Variants in KLHDC10 observed in about 807,000 individuals in gnomAD.
KLHDC10 encodes kelch domain-containing protein 10.
A neutral mutation model predicts 56.1 loss-of-function variants in KLHDC10; 24 were observed. The ratio of observed to expected loss-of-function variants is 0.43; its 90% CI spans 0.31 to 0.60. KLHDC10 has a LOEUF of 0.60. Ranked by LOEUF, KLHDC10 falls within the 20% of genes least tolerant of loss-of-function variation. The pLI, the probability that KLHDC10 is intolerant of heterozygous loss-of-function variation, is 0.11. For missense variants in KLHDC10, 349 were observed against 567.0 expected, an observed-to-expected ratio of 0.62 and a Z score of 3.91; for synonymous variants, 188 against 207.1, an observed-to-expected ratio of 0.91 and a Z score of 0.79.
intron 2 of KLHDC10, among the ~76,000 whole-genome samples, chr7:130,108,826 C>G (rs1796058519): frequency 6.6e-6 from 1 of 152,088 alleles, no homozygotes; most frequent in South Asian, 2.1e-4. Context: ...CCTGCTCCCT[C>G]TCCTCTCTCC....
At chr7:130,119,843 T>TA (rs72549928) in intron 3 of KLHDC10, among the ~76,000 whole-genome samples, 23,267 of 76,500 alleles carry the variant, frequency 0.3, 3,346 homozygotes, top group African/African-American at 0.4. Flanking sequence ...GACTCCGTCT[T>TA]AAAAAAAAAA....
chr7:130,079,893 C>G (rs1795577775), intron 1 of KLHDC10, among the ~76,000 whole-genome samples: 1 of 135,204 alleles, frequency 7.4e-6, no homozygotes, highest in Non-Finnish European at 1.6e-5. Flanking sequence ...TCCCTTCCTC[C>G]CTTTCTTCCT....
intron 1 of KLHDC10, among the ~76,000 whole-genome samples, chr7:130,078,179 C>T (rs1325480142): frequency 6.6e-6 from 1 of 151,102 alleles, no homozygotes; most frequent in Non-Finnish European, 1.5e-5. Context: ...ACCAGCTTGG[C>T]CAATATGGTG....
chr7:130,091,552 C>T (rs1795773114), intron 1 of KLHDC10, among the ~76,000 whole-genome samples: 1 of 152,186 alleles, frequency 6.6e-6, no homozygotes, highest in Non-Finnish European at 1.5e-5. Flanking sequence ...ATCTTTTACA[C>T]AATACCTCAA....
At chr7:130,115,095 G>A (rs1240371669) in intron 2 of KLHDC10, among the ~76,000 whole-genome samples, 1 of 152,090 alleles carries the variant, frequency 6.6e-6, no homozygotes, top group Non-Finnish European at 1.5e-5. Flanking sequence ...CTTAGAAAGT[G>A]GGATTTTGAT....
chr7:130,091,453 G>T (rs1326387144), intron 1 of KLHDC10, among the ~76,000 whole-genome samples: 2 of 152,158 alleles, frequency 1.3e-5, no homozygotes, highest in African/African-American at 4.8e-5. Context: ...TCTAGAATGA[G>T]ACCTTTGGTT....
intron 1 of KLHDC10, among the ~76,000 whole-genome samples, chr7:130,091,336 C>A (rs1422283184): frequency 6.6e-6 from 1 of 152,188 alleles, no homozygotes; most frequent in Non-Finnish European, 1.5e-5. Context: ...CCTCTGCATC[C>A]TTGCCACCAT....
intron 1 of KLHDC10, among the ~76,000 whole-genome samples, chr7:130,075,302 AG>A (rs1795482601): frequency 6.6e-6 from 1 of 152,254 alleles, no homozygotes; most frequent in African/African-American, 2.4e-5. Flanking sequence ...AAACTGACAA[AG>A]AAAAAGAAGG....
At chr7:130,097,323 G>A (rs1409360685) in intron 2 of KLHDC10, among the ~76,000 whole-genome samples, 1 of 152,014 alleles carries the variant, frequency 6.6e-6, no homozygotes, top group Non-Finnish European at 1.5e-5. Flanking sequence ...ATAAAATATG[G>A]ATGTGGGAAA....
intron 2 of KLHDC10, among the ~76,000 whole-genome samples, chr7:130,109,558 T>C (rs1796072037): frequency 6.6e-6 from 1 of 152,212 alleles, no homozygotes; most frequent in African/African-American, 2.4e-5. Context: ...AAATAATGGG[T>C]ACAATTAATA....
chr7:130,095,805 G>A (rs1243855069), intron 1 of KLHDC10, among the ~76,000 whole-genome samples: 1 of 152,202 alleles, frequency 6.6e-6, no homozygotes, highest in Non-Finnish European at 1.5e-5. Context: ...GAAGAGGCAA[G>A]TTTTTAGAGT....
intron 1 of KLHDC10, among the ~76,000 whole-genome samples, chr7:130,074,847 G>C (rs1179239156): frequency 6.6e-6 from 1 of 152,142 alleles, no homozygotes; most frequent in East Asian, 1.9e-4. Context: ...CTGATCTTGT[G>C]ATCCACCCAC....
In KLHDC10 at chr7:130,116,938, C is replaced by A. The variant is rs1341101809; in HGVS notation, c.475+272C>A. Among the ~76,000 whole-genome samples the A allele has an allele frequency of 6.6e-6, 1 of 152,046 alleles. No individual in the cohort carries two copies. The highest frequency in any genetic ancestry group is 2.1e-4 in the South Asian group (1 of 4,822). ...TTAGAGGGTTCAATATAAAGTATCA[C>A]GCAGTAGAAGGTCAACAAATGGGGC... On this transcript the variant is annotated intron_variant, in intron 3 of 9. Coordinates refer to ENST00000335420, the MANE Select transcript of KLHDC10 (RefSeq NM_014997.4). This position sits in a 1 kb window ranked among gnomAD's most constrained non-coding sequence, Gnocchi z 4.8.
chr7:130,078,614 G>T (rs1056610611), intron 1 of KLHDC10, among the ~76,000 whole-genome samples: 1 of 151,780 alleles, frequency 6.6e-6, no homozygotes, highest in African/African-American at 2.4e-5. Flanking sequence ...TGCCTCCCGG[G>T]TTCACGCCAT....
At chr7:130,128,889 A>AAAAAAAAAAAATATATATATAT in intron 8 of KLHDC10, among the ~76,000 whole-genome samples, 1 of 66,956 alleles carries the variant, frequency 1.5e-5, no homozygotes, top group Non-Finnish European at 2.8e-5. Flanking sequence ...AAAAAAAAAA[A>AAAAAAAAAAAATATATATATAT]ATATATATAT....
At chr7:130,096,323 G>GTA (rs1337818744) in intron 1 of KLHDC10, among the ~76,000 whole-genome samples, 2 of 152,074 alleles carry the variant, frequency 1.3e-5, no homozygotes, top group African/African-American at 4.8e-5. Flanking sequence ...TAACATGGAG[G>GTA]TAATTTGCTT....
At chr7:130,102,961 T>C (rs924009622) in intron 2 of KLHDC10, among the ~76,000 whole-genome samples, 1 of 152,180 alleles carries the variant, frequency 6.6e-6, no homozygotes, top group African/African-American at 2.4e-5. Flanking sequence ...TTAAGACTAG[T>C]TACTTTTCAT....
intron 8 of KLHDC10, among the ~76,000 whole-genome samples, chr7:130,128,387 C>A (rs949888083): frequency 1.3e-5 from 2 of 152,302 alleles, no homozygotes; most frequent in African/African-American, 4.8e-5. Context: ...TAGTTCTAGG[C>A]ATTTCGTTTG....
At chr7:130,093,182 A>G (rs1338512710) in intron 1 of KLHDC10, among the ~76,000 whole-genome samples, 1 of 150,998 alleles carries the variant, frequency 6.6e-6, no homozygotes, top group African/African-American at 2.4e-5. Flanking sequence ...TAAAATATTG[A>G]TGAAGTTATT....
Sources: gnomAD v4.1 joint callset for allele counts (sites outside exome capture counted in the v4.1 genomes callset) on GRCh38, gnomAD v4.1.1 for gene constraint, Gnocchi (gnomAD v3.1) non-coding constraint, MANE v1.5 for transcripts, NCBI Gene and HGNC (gene_info 2026-07-23, HGNC 2026-07-21) for gene names.